The following TXLNG variants were observed in gnomAD, a reference collection of about 807,000 sequenced individuals.
TXLNG encodes gamma-taxilin.
TXLNG carries 5 observed loss-of-function variants against 38.8 expected under a neutral mutation model. That is an observed-to-expected ratio of 0.13 (90% CI 0.07 to 0.27). TXLNG has a LOEUF of 0.27. TXLNG is among the 10% of genes least tolerant of loss of function. The pLI is 1.00. For synonymous variants in TXLNG, 182 were observed against 158.2 expected, an observed-to-expected ratio of 1.15 and a Z score of -1.13; for missense variants, 393 against 398.2, an observed-to-expected ratio of 0.99 and a Z score of 0.11.
At chrX:16,798,253 A>G in intron 1 of TXLNG, among the ~76,000 whole-genome samples, 1 of 112,419 alleles carries the variant, frequency 8.9e-6, no homozygotes, top group Admixed American at 9.5e-5. Flanking sequence ...TTCATTAATC[A>G]CCACTGATCT....
In TXLNG at chrX:16,814,906, A is replaced by G. The variant is rs190466167; in HGVS notation, c.103-3668A>G. Reference sequence around the variant, plus strand: ...TGTATGGTATGTGAATTATATCACAATAAAGGTGTTACAAAATAAATCGCT... The same window carrying G: ...TGTATGGTATGTGAATTATATCACAGTAAAGGTGTTACAAAATAAATCGCT... On this transcript the variant is annotated intron_variant, in intron 1 of 9. Transcript: ENST00000380122. Among the ~76,000 whole-genome samples, 454 of 112,390 alleles carry G rather than the reference A, an allele frequency of 4.0e-3. 2 individuals carry two copies. The highest frequency in any genetic ancestry group is 0.012 in the South Asian group (34 of 2,727).
chrX:16,830,182 A>AT (rs34247026), intron 5 of TXLNG, among the ~76,000 whole-genome samples: 47,468 of 101,615 alleles, frequency 0.47, 9,075 homozygotes, highest in East Asian at 0.84. Context: ...AATGTTTCAG[A>AT]TTTTTTTTTT....
At chrX:16,808,378 T>C (rs1422833674) in intron 1 of TXLNG, among the ~76,000 whole-genome samples, 1 of 110,815 alleles carries the variant, frequency 9.0e-6, no homozygotes, top group African/African-American at 3.4e-5. Context: ...GAGATTGGAA[T>C]TTAAATAAAT....
chrX:16,825,981 A>T (rs1278215509), intron 3 of TXLNG, among the ~76,000 whole-genome samples: 7 of 112,491 alleles, frequency 6.2e-5, no homozygotes, highest in African/African-American at 1.9e-4. Context: ...AGTGTAAATT[A>T]AATGAAAATT....
rs1350507443 is a variant in TXLNG at position 16,818,801 on chromosome X, T to C, written c.330T>C (p.Pro110=). ...CGCAAGAATCAAGAGAGGAAATCCC[T>C]GGGGGAGAAGCTCGAACAGATCCCC... ...YCTQESREEI[P]GGEARTDPPD... The change falls in exon 2 of 10, where the codon CCT becomes CCC. Residue 110 remains proline (P), a synonymous_variant. Transcript: ENST00000380122. 3 of 1,210,420 alleles carry C rather than the reference T, an allele frequency of 2.5e-6. No individual in the cohort carries two copies. The African/African-American group carries it at 5.2e-5, about 21-fold the overall frequency.
intron 1 of TXLNG, among the ~76,000 whole-genome samples, chrX:16,787,851 A>G (rs973349677): frequency 8.9e-6 from 1 of 112,522 alleles, no homozygotes. Context: ...TTTCTAATGC[A>G]ATTCATAAAC....
intron 1 of TXLNG, among the ~76,000 whole-genome samples, chrX:16,799,979 G>C (rs1030932416): frequency 4.6e-5 from 5 of 108,638 alleles, no homozygotes; most frequent in Non-Finnish European, 9.6e-5. Flanking sequence ...TCTCACTCTA[G>C]CCCAGGCTGG....
rs183070263 is a variant in TXLNG, at chrX:16,798,343, T to C, written c.102+11754T>C. On this transcript the variant is annotated intron_variant, in intron 1 of 9. Transcript: ENST00000380122. ...AATTTTCAAAAATTCTATTTTTTGC[T>C]TTAAAGCTCAAATTTTATCATTGGC... is the stretch of plus-strand genomic sequence containing the variant. Among the ~76,000 whole-genome samples the C allele has an allele frequency of 2.7e-5, 3 of 112,507 alleles. No homozygotes were observed. The East Asian group carries it at 8.3e-4, about 31-fold the overall frequency.
chrX:16,822,376 T>G (rs1414673586), intron 3 of TXLNG, among the ~76,000 whole-genome samples: 1 of 111,169 alleles, frequency 9.0e-6, no homozygotes, highest in Non-Finnish European at 1.9e-5. Context: ...TTCCCTTAGT[T>G]TATGAAGTGG....
chrX:16,813,846 G>A (rs1928629217), intron 1 of TXLNG, among the ~76,000 whole-genome samples: 1 of 111,511 alleles, frequency 9.0e-6, no homozygotes, highest in Non-Finnish European at 1.9e-5. Flanking sequence ...CAGCACTTTG[G>A]GAGGCCGAGG....
At chrX:16,810,848 T>C (rs1424202096) in intron 1 of TXLNG, among the ~76,000 whole-genome samples, 2 of 110,984 alleles carry the variant, frequency 1.8e-5, no homozygotes, top group Non-Finnish European at 3.8e-5. Flanking sequence ...GCCCAGCTAA[T>C]TTTTGTATTT....
chrX:16,821,991 C>T (rs966216433), intron 3 of TXLNG, among the ~76,000 whole-genome samples: 3 of 106,696 alleles, frequency 2.8e-5, no homozygotes, highest in African/African-American at 1.0e-4. Context: ...GAGACTCCAT[C>T]TCAAAAAAAT....
At position 16,811,859 on chromosome X, in the gene TXLNG, G is replaced by C. The variant is rs751340036; in HGVS notation, c.103-6715G>C. On this transcript the variant is annotated intron_variant, in intron 1 of 9. Coordinates refer to ENST00000380122, the MANE Select transcript of TXLNG (RefSeq NM_018360.3). ...TCACCATGTTGGCCAGGATGGTCTTGATCATCTCTTGACCTCGTCATCTGC... is the reference window on the plus strand; with the variant it reads ...TCACCATGTTGGCCAGGATGGTCTTCATCATCTCTTGACCTCGTCATCTGC... Among the ~76,000 whole-genome samples, 3 of 108,609 alleles carry C rather than the reference G, an allele frequency of 2.8e-5. No homozygotes were observed. The South Asian group carries it at 1.2e-3, about 43-fold the overall frequency. The allele number at this position is 108,609 out of a possible 115,157, so 94.3% of individuals were successfully genotyped here. A position where few individuals can be genotyped will look rare whatever the true frequency, so the allele number is the denominator to read the frequency against.
intron 1 of TXLNG, among the ~76,000 whole-genome samples, chrX:16,807,731 C>T (rs930758843): frequency 5.4e-5 from 6 of 111,257 alleles, no homozygotes; most frequent in African/African-American, 1.6e-4. Flanking sequence ...CAACTGCTCC[C>T]TCTGAAGGTC....
chrX:16,796,323 T>C (rs73452412), intron 1 of TXLNG, among the ~76,000 whole-genome samples: 3,616 of 111,377 alleles, frequency 0.032, 171 homozygotes, highest in African/African-American at 0.11. Flanking sequence ...ATTTTTAACA[T>C]AACCTGGGAA....
intron 1 of TXLNG, among the ~76,000 whole-genome samples, chrX:16,814,547 G>A (rs1359829938): frequency 2.7e-5 from 3 of 111,966 alleles, no homozygotes; most frequent in Non-Finnish European, 5.6e-5. Flanking sequence ...CCCGGGAGGC[G>A]GAGGTTGCAG....
At chrX:16,838,065 A>C (rs915092117) in intron 8 of TXLNG, among the ~76,000 whole-genome samples, 6 of 111,567 alleles carry the variant, frequency 5.4e-5, no homozygotes, top group East Asian at 2.8e-4. Flanking sequence ...CCAGAATAAT[A>C]ATCATATATT....
At chrX:16,791,909 G>C (rs948993838) in intron 1 of TXLNG, among the ~76,000 whole-genome samples, 1 of 112,142 alleles carries the variant, frequency 8.9e-6, no homozygotes, top group Non-Finnish European at 1.9e-5. Flanking sequence ...ATGTTATTTT[G>C]TGTGTTATTT....
At chrX:16,836,067 G>A (rs1317848174) in intron 7 of TXLNG, among the ~76,000 whole-genome samples, 1 of 112,334 alleles carries the variant, frequency 8.9e-6, no homozygotes, top group East Asian at 2.8e-4. Context: ...AGACCAGCCT[G>A]AGCAACATGG....
Sources: allele counts gnomAD v4.1 joint callset (sites outside exome capture counted in the v4.1 genomes callset), GRCh38; gene constraint gnomAD v4.1.1; transcripts MANE v1.5; gene names NCBI Gene and HGNC (gene_info 2026-07-23, HGNC 2026-07-21).